Variants in RBFOX1 observed in about 807,000 individuals in gnomAD.
RBFOX1 encodes the protein RNA binding protein fox-1 homolog 1.
Under a neutral mutation model 57.7 loss-of-function variants are expected in RBFOX1, and 8 were observed. The observed-to-expected ratio is 0.14, with a 90% confidence interval of 0.08 to 0.25. The LOEUF is 0.25. Among genes scored for constraint, RBFOX1 ranks in the 10% least tolerant of loss-of-function variants. The pLI is 1.00. For synonymous variants in RBFOX1, 326 were observed against 222.4 expected (o/e 1.47, Z -4.15); for missense variants, 611 against 548.5 (o/e 1.11, Z -1.14).
chr16:5,569,470 T>TTTTTTTTTTTTTTG (rs2046201683), intron 2 of RBFOX1, among the ~76,000 whole-genome samples: 1 of 128,496 alleles, frequency 7.8e-6, no homozygotes, highest in Admixed American at 8.2e-5. Flanking sequence ...TTTTTTTTCT[T>TTTTTTTTTTTTTTG]CTTCTTTTTG....
intron 1 of RBFOX1, among the ~76,000 whole-genome samples, chr16:6,126,310 C>T (rs1381694006): frequency 1.3e-5 from 2 of 152,244 alleles, no homozygotes; most frequent in Non-Finnish European, 2.9e-5. Flanking sequence ...TTAGCCCTCT[C>T]TTACCTTCCT....
intron 4 of RBFOX1, among the ~76,000 whole-genome samples, chr16:7,388,434 G>T (rs1568566640): frequency 6.6e-6 from 1 of 152,094 alleles, no homozygotes; most frequent in Non-Finnish European, 1.5e-5. Flanking sequence ...CAATATATGG[G>T]CTTTGGGATA....
At position 5,706,729 on chromosome 16, in the gene RBFOX1, C is replaced by T. The variant is rs551999488; in HGVS notation, c.318+107768C>T. ...ATGAAATGATTTTGGTATTTTTTTT[C>T]CTACGATGGTTGATGGTTGATTTGT... On this transcript the variant is annotated intron_variant, in intron 3 of 19. Coordinates refer to the RBFOX1 transcript ENST00000641259. 1.4e-4 allele frequency among the ~76,000 whole-genome samples: 21 copies of T among 151,900 alleles called. No homozygotes were observed. The East Asian group carries it at 3.9e-3, about 28-fold the overall frequency.
At chr16:7,392,413 A>G (rs1234259910) in intron 4 of RBFOX1, among the ~76,000 whole-genome samples, 2 of 152,180 alleles carry the variant, frequency 1.3e-5, no homozygotes, top group African/African-American at 2.4e-5. Flanking sequence ...TGGTCATCAA[A>G]AAGTGTCTGG....
intron 1 of RBFOX1, 77 bp downstream of exon 1, chr16:6,020,069 A>C: frequency 7.4e-7 from 1 of 1,343,618 alleles, no homozygotes; most frequent in Non-Finnish European, 9.6e-7. Flanking sequence ...CATGGAGGGA[A>C]GCGCTAGGTC....
At chr16:7,651,739 G>T (rs540102356) in intron 11 of RBFOX1, among the ~76,000 whole-genome samples, 6 of 152,250 alleles carry the variant, frequency 3.9e-5, no homozygotes, top group African/African-American at 1.4e-4. Flanking sequence ...TGGAAAAGGA[G>T]TTGGTTGTGC....
intron 3 of RBFOX1, among the ~76,000 whole-genome samples, chr16:7,018,456 A>AG (rs1391865624): frequency 6.6e-6 from 1 of 152,188 alleles, no homozygotes; most frequent in Non-Finnish European, 1.5e-5. Context: ...TTTGAAATAC[A>AG]ACGTCTAATC....
At chr16:6,507,292 A>G (rs1446863638) in intron 2 of RBFOX1, among the ~76,000 whole-genome samples, 9 of 152,188 alleles carry the variant, frequency 5.9e-5, no homozygotes, top group Non-Finnish European at 8.8e-5. Context: ...CATGTTTACA[A>G]TAAAAAAGAG....
At chr16:5,286,479 G>A (rs1567281580) in intron 1 of RBFOX1, among the ~76,000 whole-genome samples, 1 of 152,162 alleles carries the variant, frequency 6.6e-6, no homozygotes, top group Non-Finnish European at 1.5e-5. Flanking sequence ...GGTACATTCA[G>A]GCACCAGCAT....
chr16:7,246,830 G>C (rs961283571), intron 4 of RBFOX1, among the ~76,000 whole-genome samples: 9 of 152,004 alleles, frequency 5.9e-5, no homozygotes, highest in Non-Finnish European at 1.3e-4. Flanking sequence ...ATCAAAGAGA[G>C]CTACAGCATA....
intron 2 of RBFOX1, among the ~76,000 whole-genome samples, chr16:6,544,850 C>T (rs1407535601): frequency 2.0e-5 from 3 of 152,196 alleles, no homozygotes; most frequent in Admixed American, 6.5e-5. Flanking sequence ...TATGATGGGG[C>T]TTGATCCAAG....
chr16:6,183,912 G>A (rs750052384), intron 1 of RBFOX1, among the ~76,000 whole-genome samples: 1 of 152,120 alleles, frequency 6.6e-6, no homozygotes, highest in African/African-American at 2.4e-5. Flanking sequence ...ATTGGAGGAT[G>A]TATTAGTCCA....
chr16:6,530,819 A>G (rs949887657), intron 2 of RBFOX1, among the ~76,000 whole-genome samples: 51 of 149,758 alleles, frequency 3.4e-4, no homozygotes, highest in African/African-American at 1.2e-3. Flanking sequence ...ACCTGCCCCC[A>G]TGATTCAATT....
At chr16:5,244,338 A>G (rs1368871491) in intron 1 of RBFOX1, among the ~76,000 whole-genome samples, 3 of 152,128 alleles carry the variant, frequency 2.0e-5, no homozygotes, top group Non-Finnish European at 4.4e-5. Flanking sequence ...TGCAGAGTGG[A>G]TTTGGGTGGC....
chr16:7,499,368 C>G (rs919621843), intron 4 of RBFOX1, among the ~76,000 whole-genome samples: 34 of 152,276 alleles, frequency 2.2e-4, no homozygotes, highest in African/African-American at 7.7e-4. Flanking sequence ...CTGCTCGCTA[C>G]TCAGGCATGA....
chr16:5,471,948 G>C (rs964696507), intron 2 of RBFOX1, among the ~76,000 whole-genome samples: 2 of 152,132 alleles, frequency 1.3e-5, no homozygotes, highest in African/African-American at 4.8e-5. Context: ...TTTTTGGCTG[G>C]AGTGTGGGTC....
At chr16:5,395,009 G>T (rs893993943) in intron 1 of RBFOX1, among the ~76,000 whole-genome samples, 1 of 152,158 alleles carries the variant, frequency 6.6e-6, no homozygotes, top group Non-Finnish European at 1.5e-5. Context: ...GCTCCCAGTT[G>T]CTCGGAGTCC....
rs935510076 is a variant in RBFOX1 at position 5,742,987 on chromosome 16, A to G, written c.319-124316A>G. Among the ~76,000 whole-genome samples the G allele has an allele frequency of 2.0e-5, 3 of 152,206 alleles. No homozygotes were observed. The South Asian group carries it at 6.2e-4, about 32-fold the overall frequency. ...ACGTGTGCTGGGTCAGGCAGGAGGC[A>G]TGCTATTTTGCATTAACAATAGAGA... is the stretch of plus-strand genomic sequence containing the variant. On this transcript the variant is annotated intron_variant, in intron 3 of 19. Transcript: ENST00000641259.
chr16:6,255,694 T>A (rs2097656812), intron 1 of RBFOX1, among the ~76,000 whole-genome samples: 1 of 152,034 alleles, frequency 6.6e-6, no homozygotes. Flanking sequence ...ATATACATCA[T>A]GGAATACTAT....
Sources: allele counts gnomAD v4.1 joint callset (sites outside exome capture counted in the v4.1 genomes callset), GRCh38; gene constraint gnomAD v4.1.1; transcripts MANE v1.5; gene names NCBI Gene and HGNC (gene_info 2026-07-23, HGNC 2026-07-21).